CTNNA2: variants seen among roughly 807,000 people sequenced by gnomAD.
The protein encoded by CTNNA2 is catenin alpha-2.
CTNNA2 carries 42 observed loss-of-function variants against 101.0 expected under a neutral mutation model. The ratio of observed to expected loss-of-function variants is 0.42; its 90% confidence interval spans 0.32 to 0.54. CTNNA2 has a LOEUF of 0.54. Ranked by LOEUF, CTNNA2 falls within the 20% of genes least tolerant of loss-of-function variation. CTNNA2 has a pLI of 0.14. For missense variants in CTNNA2, 871 were observed against 1,223.1 expected (o/e 0.71, Z 4.29); for synonymous variants, 450 against 456.4 (o/e 0.99, Z 0.18).
chr2:79,229,829 G>A (rs1026999748), intron 2 of CTNNA2, among the ~76,000 whole-genome samples: 4 of 152,222 alleles, frequency 2.6e-5, no homozygotes, highest in Non-Finnish European at 5.9e-5. Flanking sequence ...AGAGAGAAAT[G>A]AGGAACTTGT....
At chr2:79,405,426 A>G (rs1678331068) in intron 4 of CTNNA2, among the ~76,000 whole-genome samples, 2 of 152,126 alleles carry the variant, frequency 1.3e-5, no homozygotes, top group African/African-American at 4.8e-5. Context: ...CCTGGGTTCA[A>G]GCGATTCTCC....
Position 80,648,162 on chromosome 2 carries a change from G to A in CTNNA2, c.*290G>A. On this transcript the variant is annotated 3_prime_UTR_variant, in exon 19 of 19. Transcript: ENST00000402739. ...ATTGGCGCAATATTTATGGGAGTGG[G>A]AGGGATGGGGAAAATAAACTTAACT... 4.5e-6 allele frequency: 1 copy of A among 223,334 alleles called. No individual in the cohort carries two copies. Among genetic ancestry groups the A allele is most frequent in the Non-Finnish European group, 8.8e-6 (1 of 113,512 alleles). The allele number at this position is 223,334 out of a possible 1,614,324, so 13.8% of individuals were successfully genotyped here. A position where few individuals can be genotyped will look rare whatever the true frequency, so the allele number is the denominator to read the frequency against.
intron 7 of CTNNA2, among the ~76,000 whole-genome samples, chr2:80,166,180 C>T (rs763705541): frequency 7.9e-5 from 12 of 152,146 alleles, no homozygotes; most frequent in Non-Finnish European, 1.5e-4. Flanking sequence ...TTTTGTTATT[C>T]TTAATATGCA....
intron 7 of CTNNA2, among the ~76,000 whole-genome samples, chr2:80,276,163 T>A (rs1027987327): frequency 2.0e-5 from 3 of 152,210 alleles, no homozygotes; most frequent in South Asian, 4.1e-4. Flanking sequence ...TGGTTTTAGG[T>A]TCTGACATCA....
intron 8 of CTNNA2, among the ~76,000 whole-genome samples, chr2:80,397,373 G>T (rs1328293598): frequency 6.6e-6 from 1 of 152,158 alleles, no homozygotes; most frequent in African/African-American, 2.4e-5. Context: ...AGATGAGGAT[G>T]TGAAGCCAAG....
At chr2:79,278,204 GT>G (rs1292976430) in intron 2 of CTNNA2, among the ~76,000 whole-genome samples, 3 of 152,088 alleles carry the variant, frequency 2.0e-5, no homozygotes, top group Non-Finnish European at 4.4e-5. Context: ...AAAAGAGAAA[GT>G]TTACAGGAAC....
At chr2:79,241,115 C>G (rs892554535) in intron 2 of CTNNA2, among the ~76,000 whole-genome samples, 4 of 152,190 alleles carry the variant, frequency 2.6e-5, no homozygotes, top group Non-Finnish European at 5.9e-5. Flanking sequence ...GTAAACTAAT[C>G]TCATAGAAAA....
intron 3 of CTNNA2, among the ~76,000 whole-genome samples, chr2:79,852,872 G>C (rs574167997): frequency 6.6e-6 from 1 of 152,198 alleles, no homozygotes; most frequent in East Asian, 1.9e-4. Flanking sequence ...TTACAGGCGT[G>C]AGCCACCGCG....
chr2:79,262,804 A>G (rs995200101), intron 2 of CTNNA2, among the ~76,000 whole-genome samples: 2 of 152,192 alleles, frequency 1.3e-5, no homozygotes, highest in Non-Finnish European at 2.9e-5. Context: ...TTTCATAATC[A>G]GCAGGTAAAT....
intron 3 of CTNNA2, among the ~76,000 whole-genome samples, chr2:79,366,687 A>T (rs1417168470): frequency 6.6e-6 from 1 of 152,238 alleles, no homozygotes; most frequent in African/African-American, 2.4e-5. Context: ...GGCAGTTAGA[A>T]GGGTTCATTC....
rs199921745 is a variant in CTNNA2 at position 80,589,324 on chromosome 2, G to A, written c.2028G>A (p.Pro676=). 2.2e-5 allele frequency: 35 copies of A among 1,613,874 alleles called. No individual in the cohort carries two copies. The highest frequency in any genetic ancestry group is 1.3e-4 in the Admixed American group (8 of 59,992). Residue 676 remains proline, a synonymous_variant, in exon 15 of 19, where the codon CCG becomes CCA. Transcript: ENST00000402739. ...QSARAIMAQL[P]QEEKAKIAEQ... ...CGCAGGCCATCATGGCGCAACTACC[G>A]CAGGAGGAGAAGGCAAAAATAGCTG...
rs1293160955 is a variant in CTNNA2, at chr2:79,932,113, A to G, written c.1056+22316A>G. The stretch of plus-strand genomic sequence containing the variant: ...ATGGATTTCTGTGGGGACGAGCCTC[A>G]CCCACCTGGGGCTGAGTGGAGCAAC... On this transcript the variant is annotated intron_variant, in intron 7 of 18. Transcript: ENST00000402739. 3.3e-5 allele frequency among the ~76,000 whole-genome samples: 5 copies of G among 152,106 alleles called. No individual in the cohort carries two copies. The East Asian group carries it at 9.6e-4, about 29-fold the overall frequency.
chr2:80,509,600 C>T (rs1688541008), intron 9 of CTNNA2, among the ~76,000 whole-genome samples: 1 of 152,024 alleles, frequency 6.6e-6, no homozygotes, highest in East Asian at 1.9e-4. Flanking sequence ...ACCTTGGGGT[C>T]CGTGGGTACT....
chr2:79,577,202 T>C (rs903733114), intron 1 of CTNNA2, among the ~76,000 whole-genome samples: 18 of 152,132 alleles, frequency 1.2e-4, no homozygotes, highest in African/African-American at 4.3e-4. Flanking sequence ...GTATGATTGT[T>C]GTTTACTACC....
At chr2:79,406,419 C>T (rs913184863) in intron 4 of CTNNA2, among the ~76,000 whole-genome samples, 4 of 152,036 alleles carry the variant, frequency 2.6e-5, no homozygotes, top group Non-Finnish European at 4.4e-5. Flanking sequence ...CATTCAGGCC[C>T]CACAATGGGC....
At chr2:79,966,278 C>T (rs942404009) in intron 7 of CTNNA2, among the ~76,000 whole-genome samples, 1 of 152,100 alleles carries the variant, frequency 6.6e-6, no homozygotes, top group Non-Finnish European at 1.5e-5. Context: ...CTTTATCACC[C>T]AGGCAGGAGT....
At chr2:79,852,558 G>A (rs968688540) in intron 3 of CTNNA2, among the ~76,000 whole-genome samples, 8 of 152,184 alleles carry the variant, frequency 5.3e-5, no homozygotes, top group Non-Finnish European at 1.0e-4. Flanking sequence ...CTGAAAGAGT[G>A]AAAAGAAAAG....
chr2:80,485,488 T>C (rs898936251), intron 9 of CTNNA2, among the ~76,000 whole-genome samples: 2 of 152,192 alleles, frequency 1.3e-5, no homozygotes, highest in African/African-American at 2.4e-5. Flanking sequence ...TGACAACCTG[T>C]TAAACAACTT....
intron 9 of CTNNA2, among the ~76,000 whole-genome samples, chr2:80,524,520 T>C (rs956557336): frequency 1.2e-4 from 19 of 152,194 alleles, no homozygotes; most frequent in African/African-American, 4.6e-4. Flanking sequence ...TCTTTGGTGC[T>C]GACTTCCATC....
Sources: allele counts gnomAD v4.1 joint callset (sites outside exome capture counted in the v4.1 genomes callset), GRCh38; gene constraint gnomAD v4.1.1; transcripts MANE v1.5; gene names NCBI Gene and HGNC (gene_info 2026-07-23, HGNC 2026-07-21).